The following AKAIN1 variants were observed in gnomAD, a reference collection of about 807,000 sequenced individuals.
AKAIN1 encodes the protein A-kinase anchor inhibitor 1.
AKAIN1 carries 3 observed loss-of-function variants against 3.7 expected under a neutral mutation model. That is an observed-to-expected ratio of 0.82 (90% CI 0.37 to 2.12). AKAIN1 has a LOEUF of 2.12. AKAIN1 is among the 30% of genes most tolerant of loss of function. The pLI is 0.06. For missense variants in AKAIN1, 82 were observed against 82.7 expected (o/e 0.99, Z 0.03); for synonymous variants, 31 against 30.8 (o/e 1.01, Z -0.02).
At chr18:5,174,027 AT>A (rs895560589) in intron 1 of AKAIN1, among the ~76,000 whole-genome samples, 2 of 152,120 alleles carry the variant, frequency 1.3e-5, no homozygotes, top group African/African-American at 4.8e-5. Flanking sequence ...CCTTGTATTC[AT>A]TCCATACCTG....
At chr18:5,189,191 A>G (rs1162044772) in intron 1 of AKAIN1, among the ~76,000 whole-genome samples, 1 of 152,010 alleles carries the variant, frequency 6.6e-6, no homozygotes, top group East Asian at 1.9e-4. Flanking sequence ...CATCCCCCAA[A>G]ACCATTCTGC....
At chr18:5,193,241 C>G (rs1442733858) in intron 1 of AKAIN1, among the ~76,000 whole-genome samples, 2 of 152,168 alleles carry the variant, frequency 1.3e-5, no homozygotes, top group African/African-American at 4.8e-5. Flanking sequence ...TACAATTACA[C>G]CATTTTTATT....
intron 1 of AKAIN1, among the ~76,000 whole-genome samples, chr18:5,154,634 C>T (rs1202142900): frequency 6.6e-6 from 1 of 152,120 alleles, no homozygotes; most frequent in Non-Finnish European, 1.5e-5. Flanking sequence ...AAACTGAGTT[C>T]TGGACCCTGA....
At chr18:5,151,672 C>A (rs1247368744) in intron 1 of AKAIN1, among the ~76,000 whole-genome samples, 1 of 152,202 alleles carries the variant, frequency 6.6e-6, no homozygotes, top group Admixed American at 6.5e-5. Context: ...TTAAGAGTCA[C>A]CCCTGACTCT....
At chr18:5,158,751 T>C (rs1416175418) in intron 1 of AKAIN1, among the ~76,000 whole-genome samples, 3 of 151,678 alleles carry the variant, frequency 2.0e-5, no homozygotes, top group Non-Finnish European at 2.9e-5. Flanking sequence ...TTGAACCAAG[T>C]CCTGCCAACA....
chr18:5,177,121 C>A (rs1285920275), intron 1 of AKAIN1, among the ~76,000 whole-genome samples: 7 of 152,082 alleles, frequency 4.6e-5, no homozygotes, highest in African/African-American at 1.7e-4. Flanking sequence ...TCATAGAATT[C>A]TCTTTCTTAC....
intron 1 of AKAIN1, among the ~76,000 whole-genome samples, chr18:5,146,596 G>A (rs935851437): frequency 2.6e-5 from 4 of 152,148 alleles, no homozygotes; most frequent in East Asian, 3.9e-4. Context: ...GAAACTATCC[G>A]AAGCTGCCCA....
At chr18:5,196,114 C>T (rs1446371721) in intron 1 of AKAIN1, among the ~76,000 whole-genome samples, 1 of 152,216 alleles carries the variant, frequency 6.6e-6, no homozygotes, top group Admixed American at 6.5e-5. Context: ...GTTAAAGACC[C>T]CAGGAACAAA....
rs553631382 is a variant in AKAIN1 at position 5,177,259 on chromosome 18, A to G, written c.16+19779T>C. 4.6e-5 allele frequency among the ~76,000 whole-genome samples: 7 copies of G among 152,260 alleles called. No individual in the cohort carries two copies. In the East Asian group the frequency reaches 9.7e-4, roughly 21 times the overall value. On this transcript the variant is annotated intron_variant, in intron 1 of 1. Coordinates refer to ENST00000434239, the MANE Select transcript of AKAIN1 (RefSeq NM_001145194.2). ...TGTTTCTCTTTAAATCATTATTGCA[A>G]CCCTATATGATAAGAAAGAAATTAT... is the stretch of plus-strand genomic sequence containing the variant.
intron 1 of AKAIN1, among the ~76,000 whole-genome samples, chr18:5,179,041 T>C (rs1221422584): frequency 6.6e-6 from 1 of 152,182 alleles, no homozygotes; most frequent in Non-Finnish European, 1.5e-5. Flanking sequence ...TGTCTAACCA[T>C]GCTCAAAGCA....
At chr18:5,150,291 G>A (rs1361346438) in intron 1 of AKAIN1, among the ~76,000 whole-genome samples, 1 of 152,220 alleles carries the variant, frequency 6.6e-6, no homozygotes, top group Admixed American at 6.5e-5. Flanking sequence ...ACAACCAACA[G>A]AAGGCAGGGC....
chr18:5,181,385 C>T (rs1017888790), intron 1 of AKAIN1, among the ~76,000 whole-genome samples: 1 of 152,122 alleles, frequency 6.6e-6, no homozygotes, highest in African/African-American at 2.4e-5. Context: ...TCAGCTGTGA[C>T]TATTTGGAAT....
At chr18:5,182,449 T>G (rs951236382) in intron 1 of AKAIN1, among the ~76,000 whole-genome samples, 1 of 152,132 alleles carries the variant, frequency 6.6e-6, no homozygotes, top group African/African-American at 2.4e-5. Flanking sequence ...ATGATATTCA[T>G]TTTTCAAATA....
intron 1 of AKAIN1, among the ~76,000 whole-genome samples, chr18:5,174,586 CA>C (rs1352253180): frequency 4.6e-5 from 7 of 152,044 alleles, no homozygotes; most frequent in African/African-American, 1.7e-4. Flanking sequence ...ACTAAAAATA[CA>C]AAAATTAGCA....
chr18:5,160,280 A>T, intron 1 of AKAIN1, among the ~76,000 whole-genome samples: 1 of 152,132 alleles, frequency 6.6e-6, no homozygotes, highest in Non-Finnish European at 1.5e-5. Flanking sequence ...AAAAGTTTCA[A>T]CCTGGTAAGC....
intron 1 of AKAIN1, among the ~76,000 whole-genome samples, chr18:5,155,746 A>G (rs2071104580): frequency 2.0e-5 from 3 of 152,126 alleles, no homozygotes; most frequent in Non-Finnish European, 4.4e-5. Context: ...GTGTGATCTC[A>G]TGTGCTAAAG....
intron 1 of AKAIN1, among the ~76,000 whole-genome samples, chr18:5,155,716 G>A (rs1156826463): frequency 6.6e-6 from 1 of 152,176 alleles, no homozygotes; most frequent in African/African-American, 2.4e-5. Flanking sequence ...CTATTTATAG[G>A]GGCAGCAAAA....
intron 1 of AKAIN1, among the ~76,000 whole-genome samples, chr18:5,179,742 G>A (rs555382218): frequency 1.2e-4 from 19 of 152,248 alleles, no homozygotes; most frequent in African/African-American, 4.6e-4. Context: ...AAGGGCTTAA[G>A]TTAGGACACA....
chr18:5,191,159 T>G (rs188769873), intron 1 of AKAIN1, among the ~76,000 whole-genome samples: 2 of 152,298 alleles, frequency 1.3e-5, no homozygotes, highest in African/African-American at 4.8e-5. Flanking sequence ...CTATTTAATA[T>G]TGTACTAGAA....
Sources: gnomAD v4.1 joint callset for allele counts (sites outside exome capture counted in the v4.1 genomes callset) on GRCh38, gnomAD v4.1.1 for gene constraint, MANE v1.5 for transcripts, NCBI Gene and HGNC (gene_info 2026-07-23, HGNC 2026-07-21) for gene names.